ASTN1: variants seen among roughly 807,000 people sequenced by gnomAD.
The protein encoded by ASTN1 is astrotactin 1.
A neutral mutation model predicts 140.7 loss-of-function variants in ASTN1; 41 were observed. The ratio of observed to expected loss-of-function variants is 0.29; its 90% CI spans 0.23 to 0.38. The LOEUF (loss-of-function observed/expected upper bound fraction) is 0.38. Among genes scored for constraint, ASTN1 ranks in the 10% least tolerant of loss-of-function variants. The pLI is 1.00. For missense variants in ASTN1, 1,479 were observed against 1,678.8 expected, an observed-to-expected ratio of 0.88 and a Z score of 2.08; for synonymous variants, 640 against 652.2, an observed-to-expected ratio of 0.98 and a Z score of 0.29.
intron 1 of ASTN1, among the ~76,000 whole-genome samples, chr1:177,117,025 T>C (rs1449782454): frequency 6.6e-6 from 1 of 152,062 alleles, no homozygotes; most frequent in African/African-American, 2.4e-5. Flanking sequence ...ACCTGCCAAT[T>C]TTCTCTTAAA....
chr1:177,095,763 G>T (rs1011289707), intron 1 of ASTN1, among the ~76,000 whole-genome samples: 1 of 152,126 alleles, frequency 6.6e-6, no homozygotes, highest in Non-Finnish European at 1.5e-5. Context: ...CTAAGACAAG[G>T]CCTAGTGGAG....
At chr1:177,117,775 T>A (rs1256877869) in intron 1 of ASTN1, among the ~76,000 whole-genome samples, 1 of 152,186 alleles carries the variant, frequency 6.6e-6, no homozygotes, top group African/African-American at 2.4e-5. Context: ...TTGCCTGGGC[T>A]GTTTCTTCAG....
intron 1 of ASTN1, among the ~76,000 whole-genome samples, chr1:177,148,069 G>C (rs1320550908): frequency 6.6e-6 from 1 of 152,114 alleles, no homozygotes; most frequent in Non-Finnish European, 1.5e-5. Context: ...ATTGACCTGA[G>C]CCTATGCATC....
At chr1:176,983,303 C>G (rs1246799464) in intron 8 of ASTN1, among the ~76,000 whole-genome samples, 1 of 152,140 alleles carries the variant, frequency 6.6e-6, no homozygotes, top group Admixed American at 6.5e-5. Context: ...CTGTCTCCAG[C>G]ACTCCCACTG....
At chr1:176,991,667 C>G (rs1674183498) in intron 8 of ASTN1, among the ~76,000 whole-genome samples, 1 of 152,276 alleles carries the variant, frequency 6.6e-6, no homozygotes, top group South Asian at 2.1e-4. Flanking sequence ...TTGGCTCTGA[C>G]AGTCTAAGAT....
In ASTN1 at chr1:177,105,115, A is replaced by G. The variant is rs1185654128; in HGVS notation, c.284-43850T>C. On this transcript the variant is annotated intron_variant, in intron 1 of 22. Transcript: ENST00000361833. ...TGAGTCGCTTAGGAATTCTAGGCCC[A>G]TCATTTCCTCACTGATGGGGGATTA... 2.0e-5 allele frequency among the ~76,000 whole-genome samples: 3 copies of G among 152,160 alleles called. No homozygotes were observed. The East Asian group carries it at 5.8e-4, about 29-fold the overall frequency.
At chr1:176,955,420 C>T (rs1175153344) in intron 11 of ASTN1, among the ~76,000 whole-genome samples, 5 of 152,172 alleles carry the variant, frequency 3.3e-5, no homozygotes, top group Non-Finnish European at 7.3e-5. Context: ...CATCCATCCT[C>T]CTGCCTCAGG....
intron 14 of ASTN1, among the ~76,000 whole-genome samples, chr1:176,941,682 C>T (rs1671719980): frequency 6.6e-6 from 1 of 152,192 alleles, no homozygotes; most frequent in African/African-American, 2.4e-5. Context: ...CAGGTAACAT[C>T]CAGGACTTTT....
intron 20 of ASTN1, 48 bp downstream of exon 20, chr1:176,882,811 T>C (rs756544840): frequency 6.2e-7 from 1 of 1,610,900 alleles, no homozygotes; most frequent in Admixed American, 1.7e-5. Flanking sequence ...GTAAGAAGCC[T>C]TGGGACTGTC....
chr1:177,107,115 C>T (rs1051056161), intron 1 of ASTN1, among the ~76,000 whole-genome samples: 2 of 152,084 alleles, frequency 1.3e-5, no homozygotes, highest in African/African-American at 4.8e-5. Flanking sequence ...GGTCCATGGA[C>T]CAGCTGCATG....
At chr1:176,878,175 C>G (rs1011326599) in intron 20 of ASTN1, among the ~76,000 whole-genome samples, 1 of 152,178 alleles carries the variant, frequency 6.6e-6, no homozygotes, top group African/African-American at 2.4e-5. Flanking sequence ...TGCCTAGATT[C>G]AGGACACAGC....
rs1490709219 is a variant in ASTN1, at chr1:176,949,167, G to A, written c.2054+18C>T. The A allele has an allele frequency of 3.1e-6, 5 of 1,612,712 alleles. No individual in the cohort carries two copies. Among genetic ancestry groups the A allele is most frequent in the African/African-American group, 2.7e-5 (2 of 74,898 alleles). On this transcript the variant is annotated intron_variant, in intron 12 of 22. Transcript: ENST00000361833. ...GGACAGATGGACGCCAGGTGGCCTC[G>A]CTGGCAGCTCAACTCACCCACAGAA...
At chr1:176,999,583 G>A (rs577289417) in intron 8 of ASTN1, among the ~76,000 whole-genome samples, 3 of 152,324 alleles carry the variant, frequency 2.0e-5, no homozygotes, top group Admixed American at 2.0e-4. Flanking sequence ...AAGTGAAGCA[G>A]GGCTTGATCT....
intron 17 of ASTN1, 119 bp from the exon 18 acceptor site, chr1:176,888,323 G>C: frequency 8.4e-7 from 1 of 1,196,124 alleles, no homozygotes; most frequent in Non-Finnish European, 1.2e-6. Flanking sequence ...AGCAGGTTGT[G>C]TCGCCACTTT....
At chr1:177,019,081 C>G (rs1310041941) in intron 7 of ASTN1, among the ~76,000 whole-genome samples, 1 of 152,138 alleles carries the variant, frequency 6.6e-6, no homozygotes, top group Non-Finnish European at 1.5e-5. Context: ...TTTCCTGCAG[C>G]TTGAGCAGTG....
Position 177,029,619 on chromosome 1 carries a change from C to T in ASTN1, c.1120+15G>A, listed in dbSNP as rs1230867781. 5 of 1,611,020 alleles carry T rather than the reference C, an allele frequency of 3.1e-6. No individual in the cohort carries two copies. The highest frequency in any genetic ancestry group is 4.5e-5 in the East Asian group (2 of 44,840). The stretch of plus-strand genomic sequence containing the variant: ...CAGATCCTTTACCACCTTCTGCCAC[C>T]TCTATCATTCCTACCTCTACTACGC... On this transcript the variant is annotated intron_variant, in intron 5 of 22. Transcript: ENST00000361833.
chr1:177,060,964 A>G, intron 2 of ASTN1, 114 bp downstream of exon 2: 1 of 1,096,138 alleles, frequency 9.1e-7, no homozygotes, highest in Non-Finnish European at 1.2e-6. Flanking sequence ...TATTAACATG[A>G]TCAATGATCA....
At position 176,868,923 on chromosome 1, in the gene ASTN1, G is replaced by A; in HGVS notation, c.3568C>T (p.Arg1190Trp). 2.5e-6 allele frequency: 4 copies of A among 1,612,390 alleles called. No homozygotes were observed. The highest frequency in any genetic ancestry group is 1.1e-5 in the South Asian group (1 of 90,808). ...LLDLGSPTLH[R>W]VLYHYNQHYE... ...TGCTGGTTATAGTGGTAGAGGACCCGGTGTAAGGTGGGGGAACCCAGATCC... is the reference window on the plus strand; with the variant it reads ...TGCTGGTTATAGTGGTAGAGGACCCAGTGTAAGGTGGGGGAACCCAGATCC... Residue 1190 changes from arginine to tryptophan, a missense_variant, in exon 22 of 23, where the codon CGG (arginine) becomes TGG (tryptophan). By Grantham distance (101) the Arg-to-Trp change is moderately radical. Transcript: ENST00000361833.
intron 8 of ASTN1, among the ~76,000 whole-genome samples, chr1:177,000,623 T>C (rs1324489097): frequency 6.6e-6 from 1 of 152,154 alleles, no homozygotes; most frequent in Non-Finnish European, 1.5e-5. Context: ...CACACAAAGG[T>C]ACTATATATG....
Sources: allele counts gnomAD v4.1 joint callset (sites outside exome capture counted in the v4.1 genomes callset), GRCh38; gene constraint gnomAD v4.1.1; transcripts MANE v1.5; gene names NCBI Gene and HGNC (gene_info 2026-07-23, HGNC 2026-07-21).